The following LY86 variants were observed in gnomAD, a reference collection of about 807,000 sequenced individuals.
LY86 encodes the protein lymphocyte antigen 86.
In LY86, 20 loss-of-function variants were observed where a neutral mutation model predicts 17.3. The observed-to-expected ratio is 1.15, with a 90% CI of 0.81 to 1.68. LY86 has a LOEUF of 1.68. Among genes scored for constraint, LY86 ranks in the 40% most tolerant of loss-of-function variants. The pLI, the probability that LY86 is intolerant of heterozygous loss-of-function variation, is 0.00. For synonymous variants in LY86, 74 were observed against 70.6 expected (o/e 1.05, Z -0.24); for missense variants, 200 against 191.9 (o/e 1.04, Z -0.25).
chr6:6,614,279 C>A (rs1465306952), intron 1 of LY86, among the ~76,000 whole-genome samples: 1 of 152,114 alleles, frequency 6.6e-6, no homozygotes, highest in Non-Finnish European at 1.5e-5. Context: ...ACACAGACCG[C>A]AAAGGGAGGT....
At chr6:6,628,548 GTCTGTCTCTCTC>G (rs1254102872) in intron 3 of LY86, among the ~76,000 whole-genome samples, 4 of 151,726 alleles carry the variant, frequency 2.6e-5, no homozygotes, top group Non-Finnish European at 5.9e-5. Context: ...CTGTCTCTCT[GTCTGTCTCTCTC>G]TCTGTCTCTC....
intron 3 of LY86, among the ~76,000 whole-genome samples, chr6:6,638,065 C>T (rs1050117772): frequency 1.3e-5 from 2 of 152,172 alleles, no homozygotes; most frequent in African/African-American, 4.8e-5. Flanking sequence ...AAGTCATTTT[C>T]CCTGCTAGGC....
chr6:6,625,595 C>A lies in LY86; in HGVS notation c.223+583C>A, dbSNP rs182995128. 2.0e-5 allele frequency among the ~76,000 whole-genome samples: 3 copies of A among 152,318 alleles called. No individual in the cohort carries two copies. In the East Asian group the frequency reaches 5.8e-4, roughly 29 times the overall value. ...TACTAGACGACCTCCTTTTCCAAAG[C>A]AGTTATATCAAAATCAAAGTAGAGA... On this transcript the variant is annotated intron_variant, in intron 2 of 4. Transcript: ENST00000230568.
intron 2 of LY86, among the ~76,000 whole-genome samples, chr6:6,625,899 T>A (rs904352164): frequency 6.6e-6 from 1 of 152,184 alleles, no homozygotes; most frequent in Admixed American, 6.5e-5. Context: ...AATACCTCCC[T>A]GGCAACAGCA....
intron 1 of LY86, among the ~76,000 whole-genome samples, chr6:6,612,265 A>G (rs1761378813): frequency 6.6e-6 from 1 of 152,172 alleles, no homozygotes; most frequent in Non-Finnish European, 1.5e-5. Flanking sequence ...TGATGTTCAG[A>G]TGTGTTCTGA....
intron 1 of LY86, among the ~76,000 whole-genome samples, chr6:6,604,918 CAT>C (rs980684437): frequency 1.8e-4 from 27 of 151,492 alleles, no homozygotes; most frequent in African/African-American, 6.5e-4. Flanking sequence ...GCAATACTCT[CAT>C]AGAAAAGAGA....
chr6:6,600,971 T>G (rs1760889477), intron 1 of LY86, among the ~76,000 whole-genome samples: 1 of 152,232 alleles, frequency 6.6e-6, no homozygotes, highest in African/African-American at 2.4e-5. Context: ...CAGTTTTGAC[T>G]AAATTAAAGG....
At chr6:6,605,518 C>T (rs1033530875) in intron 1 of LY86, among the ~76,000 whole-genome samples, 1 of 152,234 alleles carries the variant, frequency 6.6e-6, no homozygotes, top group Admixed American at 6.5e-5. Context: ...CATGGGGGGT[C>T]TCCCCACAAC....
chr6:6,632,352 G>A (rs2113147709), intron 3 of LY86, among the ~76,000 whole-genome samples: 1 of 152,280 alleles, frequency 6.6e-6, no homozygotes, highest in South Asian at 2.1e-4. Context: ...CTCAATTACT[G>A]CATCTATCAA....
intron 3 of LY86, among the ~76,000 whole-genome samples, chr6:6,641,308 T>C (rs183229295): frequency 1.4e-4 from 21 of 152,378 alleles, no homozygotes; most frequent in African/African-American, 5.0e-4. Flanking sequence ...ATTCTACTTA[T>C]GCACTATTGG....
rs2113086135 is a variant in LY86 at position 6,599,844 on chromosome 6, C to T, written c.136+10974C>T. On this transcript the variant is annotated intron_variant, in intron 1 of 4. Transcript: ENST00000230568. ...CCAGCCAGCCAGCAGCAGAGCCCGACAGCACCCTCCCAGGCAAACTGCTTC... is the reference window on the plus strand; with the variant it reads ...CCAGCCAGCCAGCAGCAGAGCCCGATAGCACCCTCCCAGGCAAACTGCTTC... 2.9e-5 allele frequency among the ~76,000 whole-genome samples: 3 copies of T among 102,082 alleles called. No individual in the cohort carries two copies. In the Middle Eastern group the frequency reaches 0.015, roughly 496 times the overall value. The allele number at this position is 102,082 out of a possible 152,430, so 67.0% of individuals were successfully genotyped here. A position where few individuals can be genotyped will look rare whatever the true frequency, so the allele number is the denominator to read the frequency against.
rs554083174 is a variant in LY86 at position 6,644,155 on chromosome 6, G to T, written c.353-5470G>T. Among the ~76,000 whole-genome samples the T allele has an allele frequency of 2.0e-5, 3 of 152,328 alleles. No homozygotes were observed. In the South Asian group the frequency reaches 6.2e-4, roughly 32 times the overall value. On this transcript the variant is annotated intron_variant, in intron 3 of 4. Transcript: ENST00000230568. The stretch of plus-strand genomic sequence containing the variant: ...TAGCAAGGGCTAGGAAATGGGGAGA[G>T]GGTTGCCTAAAAGAGTTCATGCAGT...
At chr6:6,628,806 GT>G (rs1761849310) in intron 3 of LY86, among the ~76,000 whole-genome samples, 1 of 152,204 alleles carries the variant, frequency 6.6e-6, no homozygotes, top group Non-Finnish European at 1.5e-5. Flanking sequence ...ATAGATACTT[GT>G]TTTATTGCAT....
At chr6:6,638,386 A>G (rs1368246625) in intron 3 of LY86, among the ~76,000 whole-genome samples, 2 of 152,240 alleles carry the variant, frequency 1.3e-5, no homozygotes, top group East Asian at 1.9e-4. Context: ...TGTCGCATAT[A>G]TGGTTCACAT....
chr6:6,625,777 G>T (rs1043274202), intron 2 of LY86, among the ~76,000 whole-genome samples: 33 of 152,148 alleles, frequency 2.2e-4, no homozygotes, highest in African/African-American at 7.5e-4. Context: ...GAAAAAGCGA[G>T]AAAAGAGAAA....
intron 1 of LY86, among the ~76,000 whole-genome samples, chr6:6,614,158 C>T (rs1020061339): frequency 6.6e-6 from 1 of 152,126 alleles, no homozygotes. Context: ...GTCACGGTGG[C>T]TTATGGAGAG....
chr6:6,650,936 G>T (rs1418420095), intron 4 of LY86, among the ~76,000 whole-genome samples: 2 of 152,068 alleles, frequency 1.3e-5, no homozygotes, highest in Admixed American at 1.3e-4. Context: ...ATGTGATCAT[G>T]TTTTTTAGCT....
intron 1 of LY86, among the ~76,000 whole-genome samples, chr6:6,598,348 CTT>C (rs147923682): frequency 0.044 from 6,667 of 152,176 alleles, 229 homozygotes; most frequent in Non-Finnish European, 0.06. Context: ...ACATTTATCT[CTT>C]TATTATCTTT....
rs568682533 is a variant in LY86, at chr6:6,642,058, C to G, written c.353-7567C>G. 7.9e-5 allele frequency among the ~76,000 whole-genome samples: 12 copies of G among 152,344 alleles called. No homozygotes were observed. The South Asian group carries it at 2.5e-3, about 32-fold the overall frequency. On this transcript the variant is annotated intron_variant, in intron 3 of 4. Coordinates refer to ENST00000230568, the MANE Select transcript of LY86 (RefSeq NM_004271.4). ...TGAAGCAGGAAAGCATGCAGAGGGG[C>G]AGCCCCTTGACATGGAGTAATGTCA...
Sources: gnomAD v4.1 joint callset for allele counts (sites outside exome capture counted in the v4.1 genomes callset) on GRCh38, gnomAD v4.1.1 for gene constraint, MANE v1.5 for transcripts, NCBI Gene and HGNC (gene_info 2026-07-23, HGNC 2026-07-21) for gene names.